Variants in NRDC observed in about 807,000 individuals in gnomAD.
NRDC encodes nardilysin convertase, also known as nardilysin.
Under a neutral mutation model 147.1 loss-of-function variants are expected in NRDC, and 54 were observed. The observed-to-expected ratio is 0.37, with a 90% CI of 0.29 to 0.46. NRDC has a LOEUF of 0.46. Among genes scored for constraint, NRDC ranks in the 20% least tolerant of loss-of-function variants. The pLI, the probability that NRDC is intolerant of heterozygous loss-of-function variation, is 1.00. For missense variants in NRDC, 1,082 were observed against 1,370.6 expected, an observed-to-expected ratio of 0.79 and a Z score of 3.33; for synonymous variants, 440 against 482.1, an observed-to-expected ratio of 0.91 and a Z score of 1.14.
intron 22 of NRDC, 89 bp from the exon 23 acceptor site, chr1:51,794,943 G>C: frequency 6.3e-7 from 1 of 1,592,766 alleles, no homozygotes; most frequent in Non-Finnish European, 8.5e-7. Flanking sequence ...AATTGCTTGG[G>C]GAGCCCTGCA....
intron 2 of NRDC, 24 bp downstream of exon 2, chr1:51,840,202 G>C: frequency 6.4e-7 from 1 of 1,553,012 alleles, no homozygotes; most frequent in Non-Finnish European, 8.7e-7. Context: ...TCCCAAATTA[G>C]AAGAAAACAG....
intron 5 of NRDC, 78 bp from the exon 6 acceptor site, chr1:51,825,460 C>T (rs1231773999): frequency 1.8e-6 from 2 of 1,126,196 alleles, no homozygotes; most frequent in Non-Finnish European, 2.6e-6. Context: ...ACTTACAGAA[C>T]AGAAAGCAAG....
chr1:51,790,685 C>T (rs1678582542), intron 28 of NRDC, 36 bp from the exon 29 acceptor site: 3 of 1,407,688 alleles, frequency 2.1e-6, no homozygotes, highest in Non-Finnish European at 3.0e-6. Flanking sequence ...TCAGGTGAGG[C>T]AACATACCAC....
intron 4 of NRDC, among the ~76,000 whole-genome samples, chr1:51,829,995 C>T (rs1366681436): frequency 4.5e-5 from 6 of 133,884 alleles, no homozygotes; most frequent in African/African-American, 1.2e-4. Context: ...GACAGAGTCT[C>T]GCTCTGTCAC....
intron 22 of NRDC, among the ~76,000 whole-genome samples, chr1:51,797,447 T>C (rs1678982357): frequency 6.6e-6 from 1 of 152,224 alleles, no homozygotes; most frequent in Non-Finnish European, 1.5e-5. Flanking sequence ...TCATAACTTG[T>C]CTCTCTGGAT....
At chr1:51,870,440 C>A (rs963056539) in intron 1 of NRDC, among the ~76,000 whole-genome samples, 5 of 152,088 alleles carry the variant, frequency 3.3e-5, no homozygotes, top group Non-Finnish European at 7.4e-5. Flanking sequence ...GCTCAAGAAC[C>A]CACAAATTTT....
intron 1 of NRDC, among the ~76,000 whole-genome samples, chr1:51,855,835 G>A (rs1682209385): frequency 6.6e-6 from 1 of 151,648 alleles, no homozygotes; most frequent in Non-Finnish European, 1.5e-5. Flanking sequence ...ATTGCGCCAT[G>A]GCACTCCAGC....
intron 4 of NRDC, among the ~76,000 whole-genome samples, chr1:51,831,484 T>C (rs1177209363): frequency 6.6e-6 from 1 of 152,196 alleles, no homozygotes; most frequent in African/African-American, 2.4e-5. Flanking sequence ...CAAAGTTGTA[T>C]GGTTAAAGTC....
intron 17 of NRDC, among the ~76,000 whole-genome samples, chr1:51,808,543 T>G (rs1331852086): frequency 6.6e-6 from 1 of 152,204 alleles, no homozygotes; most frequent in Non-Finnish European, 1.5e-5. Context: ...TGATGGACAT[T>G]TGGGCTGTTT....
chr1:51,789,239 T>A lies in NRDC; in HGVS notation c.3453A>T (p.Lys1151Asn). ...GGCCAACGTGACTGCAGTTTATTTA[T>A]TTGACTATTTTATGGTAGGGGAGAA... ...LNLLPYHKIV[K>N] The change falls in exon 31 of 31, where the codon AAA becomes AAT. Residue 1151 changes from lysine (K) to asparagine (N), a missense_variant. This residue lies in a region of NRDC where 187 missense variants were observed against 193.6 expected (regional missense o/e 0.97). Coordinates refer to ENST00000352171, the MANE Select transcript of NRDC (RefSeq NM_001101662.2). 6.2e-7 allele frequency: 1 copy of A among 1,613,456 alleles called. No individual in the cohort carries two copies. Among genetic ancestry groups the A allele is most frequent in the Non-Finnish European group, 8.5e-7 (1 of 1,179,630 alleles).
chr1:51,797,957 A>G (rs1679009410), intron 22 of NRDC: 1 of 265,196 alleles, frequency 3.8e-6, no homozygotes, highest in East Asian at 6.9e-5. Context: ...TTTTGTAGGG[A>G]TGAGTTCTCA....
chr1:51,795,389 G>C, intron 22 of NRDC: 1 of 302,332 alleles, frequency 3.3e-6, no homozygotes, highest in Non-Finnish European at 6.1e-6. Flanking sequence ...GCCCTTGCCT[G>C]GTACTTCAAC....
At chr1:51,843,346 C>A (rs965684969) in intron 1 of NRDC, among the ~76,000 whole-genome samples, 2 of 151,154 alleles carry the variant, frequency 1.3e-5, no homozygotes, top group African/African-American at 2.4e-5. Flanking sequence ...CCCTGTTTAC[C>A]GTGGAAGAAC....
At chr1:51,807,006 C>A in intron 17 of NRDC, 93 bp from the exon 18 acceptor site, 1 of 1,475,118 alleles carries the variant, frequency 6.8e-7, no homozygotes, top group Non-Finnish European at 9.0e-7. Context: ...TAACTTTTCT[C>A]TGTGGCAAAA....
intron 14 of NRDC, among the ~76,000 whole-genome samples, chr1:51,812,315 T>C (rs1571858573): frequency 6.6e-6 from 1 of 152,124 alleles, no homozygotes; most frequent in Non-Finnish European, 1.5e-5. Context: ...ACAGAGGTGG[T>C]TAGATTACTT....
intron 9 of NRDC, among the ~76,000 whole-genome samples, chr1:51,818,410 A>G (rs1680066228): frequency 2.0e-5 from 3 of 152,242 alleles, no homozygotes; most frequent in African/African-American, 7.2e-5. Flanking sequence ...GCAAGAAAGG[A>G]TACAAAACTA....
intron 15 of NRDC, 99 bp downstream of exon 15, chr1:51,811,895 C>G: frequency 1.4e-6 from 1 of 689,758 alleles, no homozygotes. Context: ...CTAAATATAA[C>G]TAAGTTTTCT....
At chr1:51,827,495 A>G (rs1374934952) in intron 5 of NRDC, among the ~76,000 whole-genome samples, 1 of 152,220 alleles carries the variant, frequency 6.6e-6, no homozygotes, top group African/African-American at 2.4e-5. Context: ...GCCTCACCCT[A>G]TATAAGCACA....
chr1:51,853,217 A>C (rs78750564), intron 1 of NRDC, among the ~76,000 whole-genome samples: 92 of 146,414 alleles, frequency 6.3e-4, no homozygotes, highest in Middle Eastern at 7.2e-3. Context: ...GACTGTCTCC[A>C]AAAAAAAATA....
Sources: allele counts gnomAD v4.1 joint callset (sites outside exome capture counted in the v4.1 genomes callset), GRCh38; gene constraint gnomAD v4.1.1; regional missense constraint gnomAD v4.1.1; transcripts MANE v1.5; gene names NCBI Gene and HGNC (gene_info 2026-07-23, HGNC 2026-07-21).